The following HDAC9 variants were observed in gnomAD, a reference collection of about 807,000 sequenced individuals.
HDAC9 encodes the protein MEF-2 interacting transcription repressor (MITR) protein.
Under a neutral mutation model 139.4 loss-of-function variants are expected in HDAC9, and 41 were observed. The observed-to-expected ratio is 0.29, with a 90% CI of 0.23 to 0.38. The LOEUF (loss-of-function observed/expected upper bound fraction) is 0.38. Ranked by LOEUF, HDAC9 falls within the 10% of genes least tolerant of loss-of-function variation. The probability of loss-of-function intolerance (pLI) is 1.00; values close to 1 mark genes in which losing one functional copy is unlikely to be tolerated. For missense variants in HDAC9, 1,147 were observed against 1,297.0 expected (o/e 0.88, Z 1.78); for synonymous variants, 517 against 476.2 (o/e 1.09, Z -1.12).
chr7:18,557,398 C>G (rs1819165631), intron 2 of HDAC9, among the ~76,000 whole-genome samples: 1 of 148,248 alleles, frequency 6.7e-6, no homozygotes, highest in African/African-American at 2.5e-5. Flanking sequence ...AAAGTCACCT[C>G]TCCCTAAGTT....
chr7:18,911,787 C>A (rs938220091), intron 22 of HDAC9, among the ~76,000 whole-genome samples: 3 of 151,756 alleles, frequency 2.0e-5, no homozygotes, highest in African/African-American at 7.3e-5. Flanking sequence ...GTTTAATATC[C>A]ATGTATTTGT....
chr7:18,183,827 A>G (rs1432584753), intron 2 of HDAC9, among the ~76,000 whole-genome samples: 3 of 152,284 alleles, frequency 2.0e-5, no homozygotes, highest in South Asian at 2.1e-4. Context: ...GTAACAATAC[A>G]TAAATGGTAA....
At chr7:18,531,260 G>T (rs1188085964) in intron 2 of HDAC9, among the ~76,000 whole-genome samples, 1 of 151,996 alleles carries the variant, frequency 6.6e-6, no homozygotes, top group Non-Finnish European at 1.5e-5. Flanking sequence ...GATATGTGTG[G>T]ATCTGAATGA....
intron 2 of HDAC9, among the ~76,000 whole-genome samples, chr7:18,561,002 A>T (rs769803571): frequency 3.0e-4 from 45 of 152,276 alleles, no homozygotes; most frequent in Non-Finnish European, 5.6e-4. Flanking sequence ...TACCACCGAT[A>T]TTCTTACATA....
intron 1 of HDAC9, among the ~76,000 whole-genome samples, chr7:18,377,657 A>G (rs1785100275): frequency 6.6e-6 from 1 of 152,178 alleles, no homozygotes; most frequent in South Asian, 2.1e-4. Context: ...AGCAGCCTCC[A>G]GAGTTCAGGT....
intron 1 of HDAC9, among the ~76,000 whole-genome samples, chr7:18,138,188 TTCTC>T (rs1353785413): frequency 2.0e-5 from 3 of 152,220 alleles, no homozygotes; most frequent in Non-Finnish European, 4.4e-5. Flanking sequence ...TATTTGATTC[TTCTC>T]TCTTTTTTTC....
rs553070073 is a variant in HDAC9 at position 18,241,924 on chromosome 7, G to T, written c.25+79575G>T. ...AGAGCCTAGGTCTGTCTAGGGATTG[G>T]GCTGCTTCTGTTATATAACCACAGC... On this transcript the variant is annotated intron_variant, in intron 2 of 12. Transcript: ENST00000417496. 1.6e-4 allele frequency among the ~76,000 whole-genome samples: 25 copies of T among 152,272 alleles called. No individual in the cohort carries two copies. The East Asian group carries it at 4.6e-3, about 28-fold the overall frequency.
chr7:18,808,103 A>C (rs1447662628), intron 17 of HDAC9: 1 of 152,204 alleles, frequency 6.6e-6, no homozygotes, highest in African/African-American at 2.4e-5. Context: ...CCTTGATCAC[A>C]GAATGGTACT....
chr7:18,341,361 G>T (rs760972455), intron 1 of HDAC9, among the ~76,000 whole-genome samples: 7 of 151,524 alleles, frequency 4.6e-5, no homozygotes, highest in Non-Finnish European at 8.9e-5. Context: ...CTCTTTGGGG[G>T]CTTCAAATAT....
At chr7:18,509,158 C>T (rs1800679396) in intron 2 of HDAC9, 1 of 447,660 alleles carries the variant, frequency 2.2e-6, no homozygotes, top group Non-Finnish European at 3.0e-6. Context: ...TTTTGAGGGA[C>T]TGACACATTA....
rs10242505 is a variant in HDAC9, at chr7:18,749,262, A to T, written c.2043+124A>T. On this transcript the variant is annotated intron_variant, in intron 14 of 25. Transcript: ENST00000686413. ...GTGCAAACACCATGATTGATGAACCATCATAGATTCAGGTAGCACAGAGCT... is the reference window on the plus strand; with the variant it reads ...GTGCAAACACCATGATTGATGAACCTTCATAGATTCAGGTAGCACAGAGCT... 4.9e-6 allele frequency: 5 copies of T among 1,023,564 alleles called. No homozygotes were observed. In the African/African-American group the frequency reaches 6.4e-5, roughly 13 times the overall value. The allele number at this position is 1,023,564 out of a possible 1,614,324, so 63.4% of individuals were successfully genotyped here. A position where few individuals can be genotyped will look rare whatever the true frequency, so the allele number is the denominator to read the frequency against.
chr7:18,604,806 A>C (rs1451082874), intron 6 of HDAC9, among the ~76,000 whole-genome samples: 4 of 151,982 alleles, frequency 2.6e-5, no homozygotes, highest in Non-Finnish European at 1.5e-5. Flanking sequence ...CTGTTGTTGC[A>C]TGTTGCCAAC....
intron 2 of HDAC9, among the ~76,000 whole-genome samples, chr7:18,273,260 G>T (rs1396859757): frequency 6.6e-6 from 1 of 151,324 alleles, no homozygotes; most frequent in Non-Finnish European, 1.5e-5. Flanking sequence ...GTAGATTTAG[G>T]GTCTCCCTTT....
chr7:18,495,456 A>G (rs1295776672), upstream of HDAC9, among the ~76,000 whole-genome samples: 3 of 152,086 alleles, frequency 2.0e-5, no homozygotes, highest in Admixed American at 1.3e-4. Flanking sequence ...AATCGCCAGT[A>G]TGGAAACACA....
chr7:18,610,128 AT>A (rs1457337082), intron 6 of HDAC9, among the ~76,000 whole-genome samples: 1 of 152,180 alleles, frequency 6.6e-6, no homozygotes, highest in East Asian at 1.9e-4. Flanking sequence ...ACTATTCACA[AT>A]AGCAAAGACT....
At chr7:18,802,874 C>G (rs1055543830) in intron 17 of HDAC9, among the ~76,000 whole-genome samples, 2 of 151,526 alleles carry the variant, frequency 1.3e-5, no homozygotes, top group African/African-American at 4.8e-5. Context: ...CAGACTTTCT[C>G]TTTATTACAT....
At chr7:18,366,910 G>T (rs577179484) in intron 1 of HDAC9, among the ~76,000 whole-genome samples, 45 of 152,100 alleles carry the variant, frequency 3.0e-4, no homozygotes, top group African/African-American at 9.9e-4. Context: ...AAAATCTATA[G>T]AAAATGCTTT....
intron 1 of HDAC9, among the ~76,000 whole-genome samples, chr7:18,441,259 G>A (rs1053581385): frequency 6.6e-6 from 1 of 151,634 alleles, no homozygotes; most frequent in Non-Finnish European, 1.5e-5. Context: ...CTTTTTTAAA[G>A]AAAAAAAAGT....
chr7:18,682,979 T>C (rs1781995378), intron 12 of HDAC9, among the ~76,000 whole-genome samples: 1 of 151,848 alleles, frequency 6.6e-6, no homozygotes, highest in African/African-American at 2.4e-5. Flanking sequence ...AGACTCTGCC[T>C]CAACAACAAC....
Sources: allele counts gnomAD v4.1 joint callset (sites outside exome capture counted in the v4.1 genomes callset), GRCh38; gene constraint gnomAD v4.1.1; transcripts MANE v1.5; gene names NCBI Gene and HGNC (gene_info 2026-07-23, HGNC 2026-07-21).